Variants in ANTXR2 observed in about 807,000 individuals in gnomAD.
ANTXR2 encodes anthrax toxin receptor 2.
ANTXR2 carries 44 observed loss-of-function variants against 73.7 expected under a neutral mutation model. The ratio of observed to expected loss-of-function variants is 0.60; its 90% CI spans 0.47 to 0.77. The LOEUF (loss-of-function observed/expected upper bound fraction) is 0.77, where lower values mean the gene tolerates loss of function less well. Ranked by LOEUF, ANTXR2 falls within the 30% of genes least tolerant of loss-of-function variation. The pLI, the probability that ANTXR2 is intolerant of heterozygous loss-of-function variation, is 0.00. For missense variants in ANTXR2, 604 were observed against 592.5 expected, an observed-to-expected ratio of 1.02 and a Z score of -0.20; for synonymous variants, 217 against 205.9, an observed-to-expected ratio of 1.05 and a Z score of -0.46.
intron 7 of ANTXR2, among the ~76,000 whole-genome samples, chr4:80,051,075 C>A (rs184109348): frequency 6.6e-6 from 1 of 151,674 alleles, no homozygotes; most frequent in Non-Finnish European, 1.5e-5. Flanking sequence ...CTTTGTTTCT[C>A]ATTAAATCTA....
chr4:80,056,830 A>C (rs962174066), intron 3 of ANTXR2, among the ~76,000 whole-genome samples: 7 of 152,054 alleles, frequency 4.6e-5, no homozygotes, highest in African/African-American at 1.7e-4. Context: ...TTTTATGTGT[A>C]TCAGTTAAGG....
intron 8 of ANTXR2, among the ~76,000 whole-genome samples, chr4:80,034,155 C>T (rs1732845414): frequency 6.6e-6 from 1 of 151,916 alleles, no homozygotes; most frequent in Admixed American, 6.6e-5. Context: ...TACTAATAAT[C>T]GATGGCCAGT....
intron 16 of ANTXR2, among the ~76,000 whole-genome samples, chr4:79,952,578 T>TATA (rs1279692567): frequency 6.6e-6 from 1 of 151,954 alleles, no homozygotes; most frequent in African/African-American, 2.4e-5. Context: ...TTATAGCACT[T>TATA]ATAATTTAAG....
At chr4:79,930,228 A>T (rs1728003304) in intron 16 of ANTXR2, among the ~76,000 whole-genome samples, 1 of 152,196 alleles carries the variant, frequency 6.6e-6, no homozygotes, top group Non-Finnish European at 1.5e-5. Flanking sequence ...AATTAAATAC[A>T]TTACAATTTA....
chr4:80,016,563 A>G (rs779564692), intron 11 of ANTXR2, among the ~76,000 whole-genome samples: 1 of 152,220 alleles, frequency 6.6e-6, no homozygotes, highest in South Asian at 2.1e-4. Context: ...TAACAGCTCC[A>G]AAGTTTGTAC....
intron 16 of ANTXR2, among the ~76,000 whole-genome samples, chr4:79,916,528 G>A (rs539719679): frequency 3.3e-5 from 5 of 151,908 alleles, no homozygotes; most frequent in Non-Finnish European, 5.9e-5. Context: ...TCATTTCATA[G>A]ATCTTAAATC....
At chr4:79,994,139 C>A (rs1187258757) in intron 12 of ANTXR2, among the ~76,000 whole-genome samples, 1 of 151,956 alleles carries the variant, frequency 6.6e-6, no homozygotes, top group East Asian at 1.9e-4. Flanking sequence ...TTACCATAGC[C>A]TTTTTTGCAT....
intron 11 of ANTXR2, among the ~76,000 whole-genome samples, chr4:80,011,688 C>T (rs949835108): frequency 6.6e-6 from 1 of 152,088 alleles, no homozygotes; most frequent in South Asian, 2.1e-4. Flanking sequence ...TATCTGATTA[C>T]GGGACTGAAT....
intron 16 of ANTXR2, among the ~76,000 whole-genome samples, chr4:79,921,255 ATGTT>A (rs1410752143): frequency 6.6e-6 from 1 of 152,084 alleles, no homozygotes; most frequent in Admixed American, 6.6e-5. Flanking sequence ...GAAATTCTGA[ATGTT>A]TATATATCAA....
At chr4:79,925,087 C>T (rs1727732031) in intron 16 of ANTXR2, among the ~76,000 whole-genome samples, 1 of 152,066 alleles carries the variant, frequency 6.6e-6, no homozygotes, top group African/African-American at 2.4e-5. Flanking sequence ...AAAGTCAACA[C>T]CAATCTTTTG....
chr4:80,008,732 T>C, intron 11 of ANTXR2, 116 bp from the exon 12 acceptor site: 1 of 564,634 alleles, frequency 1.8e-6, no homozygotes, highest in Non-Finnish European at 3.0e-6. Context: ...AATGTCAAAC[T>C]AGATTTTAAC....
At chr4:80,040,384 C>T (rs4690139) in intron 7 of ANTXR2, among the ~76,000 whole-genome samples, 115,056 of 151,986 alleles carry the variant, frequency 0.76, 43,803 homozygotes, top group East Asian at 0.94. Flanking sequence ...CTAAACACTC[C>T]AGTTAATTTT....
chr4:79,958,713 C>T (rs1346655555), intron 16 of ANTXR2, among the ~76,000 whole-genome samples: 1 of 152,146 alleles, frequency 6.6e-6, no homozygotes, highest in Non-Finnish European at 1.5e-5. Flanking sequence ...GGAAAAGGAA[C>T]TAATCTAGTT....
In ANTXR2 at chr4:79,958,763, C is replaced by T. The variant is rs187718312; in HGVS notation, c.1428+18858G>A. ...AGTTCATAAATCTGGATTCGGAGGA[C>T]AGTTAAAACCGTCCCACCTCTTCTG... On this transcript the variant is annotated intron_variant, in intron 16 of 16. Transcript: ENST00000403729. Among the ~76,000 whole-genome samples, 4 of 152,188 alleles carry T rather than the reference C, an allele frequency of 2.6e-5. No homozygotes were observed. The East Asian group carries it at 7.7e-4, about 29-fold the overall frequency.
Position 79,903,333 on chromosome 4 carries a change from G to C in ANTXR2, c.*4096C>G, listed in dbSNP as rs1177954322. On this transcript the variant is annotated 3_prime_UTR_variant, in exon 17 of 17. Transcript: ENST00000403729. ...AGACTCTTCATAGAAAACACATTGA[G>C]TCAATTCTCCCTCTGTTTCTCTCTC... 6.7e-6 allele frequency: 1 copy of C among 150,142 alleles called. No homozygotes were observed. The highest frequency in any genetic ancestry group is 6.7e-5 in the Admixed American group (1 of 14,882). 9.3% of individuals were successfully genotyped at this position (150,142 alleles called of 1,614,324 possible).
At chr4:79,964,825 C>G (rs1729292748) in intron 16 of ANTXR2, 1 of 152,218 alleles carries the variant, frequency 6.6e-6, no homozygotes, top group Admixed American at 6.5e-5. Flanking sequence ...TACACCTGGA[C>G]GCGCGGCCCT....
chr4:80,033,779 C>T (rs1285528492), intron 8 of ANTXR2, among the ~76,000 whole-genome samples: 4 of 151,968 alleles, frequency 2.6e-5, no homozygotes, highest in African/African-American at 9.7e-5. Context: ...CCATTCACTG[C>T]CACATGGGGA....
At chr4:79,953,196 T>C (rs956854894) in intron 16 of ANTXR2, among the ~76,000 whole-genome samples, 3 of 152,150 alleles carry the variant, frequency 2.0e-5, no homozygotes, top group Non-Finnish European at 4.4e-5. Context: ...GGCAGCCCAT[T>C]TGCCTCAGTT....
intron 12 of ANTXR2, among the ~76,000 whole-genome samples, chr4:79,989,929 A>G (rs1319352471): frequency 1.3e-5 from 2 of 152,018 alleles, no homozygotes; most frequent in East Asian, 3.9e-4. Context: ...ATAAAATTCC[A>G]CATCCCTTCA....
Sources: gnomAD v4.1 joint callset for allele counts (sites outside exome capture counted in the v4.1 genomes callset) on GRCh38, gnomAD v4.1.1 for gene constraint, MANE v1.5 for transcripts, NCBI Gene and HGNC (gene_info 2026-07-23, HGNC 2026-07-21) for gene names.